Variants in VPS35L observed in about 807,000 individuals in gnomAD.
VPS35L encodes the protein VPS35 endosomal protein-sorting factor-like.
Under a neutral mutation model 133.0 loss-of-function variants are expected in VPS35L, and 83 were observed. That is an observed-to-expected ratio of 0.62 (90% CI 0.52 to 0.75). The LOEUF (loss-of-function observed/expected upper bound fraction) is 0.75. Ranked by LOEUF, VPS35L falls within the 30% of genes least tolerant of loss-of-function variation. VPS35L has a pLI of 0.00. For synonymous variants in VPS35L, 423 were observed against 449.9 expected (o/e 0.94, Z 0.76); for missense variants, 1,083 against 1,206.8 (o/e 0.90, Z 1.52).
At chr16:19,617,112 T>G (rs1260761692) in intron 14 of VPS35L, 2 of 581,744 alleles carry the variant, frequency 3.4e-6, no homozygotes, top group East Asian at 5.7e-5. Context: ...TCCCAGCACT[T>G]TGCAAGGCCA....
chr16:19,629,963 G>A (rs1408855090), intron 18 of VPS35L, 143 bp downstream of exon 18: 5 of 698,070 alleles, frequency 7.2e-6, no homozygotes, highest in South Asian at 3.7e-5. Flanking sequence ...TCATAATAAA[G>A]CGTGATGGAG....
rs202109632 is a variant in VPS35L, at chr16:19,669,183, A to C, written c.2245A>C (p.Ile749Leu). Residue 749 changes from isoleucine to leucine, a missense_variant, in exon 27 of 31, where the codon ATA becomes CTA. Transcript: ENST00000417362. ...SQADAFFKAA[I>L]SLVPEVPKMI... ...AGCTGATGCTTTTTTCAAAGCCGCT[A>C]TAAGCCTTGTTCCGGAAGTTCCAAA... The C allele has an allele frequency of 1.7e-4, 267 of 1,610,980 alleles. No individual in the cohort carries two copies. Among genetic ancestry groups the C allele is most frequent in the Non-Finnish European group, 1.9e-4 (225 of 1,177,658 alleles).
chr16:19,602,431 A>G (rs1972414183), intron 9 of VPS35L, among the ~76,000 whole-genome samples: 1 of 151,998 alleles, frequency 6.6e-6, no homozygotes, highest in Non-Finnish European at 1.5e-5. Flanking sequence ...CAGGAGGTGA[A>G]TAGAAAGTGT....
At chr16:19,557,613 C>T (rs1049374682) in intron 1 of VPS35L, among the ~76,000 whole-genome samples, 16 of 152,138 alleles carry the variant, frequency 1.1e-4, no homozygotes, top group African/African-American at 3.9e-4. Flanking sequence ...GAACTCCTGA[C>T]CTTAAGTGAT....
chr16:19,688,225 C>A (rs1207692005), intron 28 of VPS35L, among the ~76,000 whole-genome samples: 1 of 152,218 alleles, frequency 6.6e-6, no homozygotes, highest in South Asian at 2.1e-4. Flanking sequence ...CTGTGCCTGG[C>A]CATCTCGTGC....
In VPS35L at chr16:19,581,839, G is replaced by T. The variant is rs1043744113; in HGVS notation, c.639+186G>T. 28 of 716,452 alleles carry T rather than the reference G, an allele frequency of 3.9e-5. No homozygotes were observed. The African/African-American group carries it at 4.5e-4, about 12-fold the overall frequency. The allele number at this position is 716,452 out of a possible 1,614,324, so 44.4% of individuals were successfully genotyped here. A position where few individuals can be genotyped will look rare whatever the true frequency, so the allele number is the denominator to read the frequency against. ...TGTTTTTATGAGATGGCTAATCCCAGGGTTACCATGTGCAGCTGCACAGGT... is the reference window on the plus strand; with the variant it reads ...TGTTTTTATGAGATGGCTAATCCCATGGTTACCATGTGCAGCTGCACAGGT... On this transcript the variant is annotated intron_variant, in intron 7 of 30. Transcript: ENST00000417362.
At position 19,689,512 on chromosome 16, in the gene VPS35L, TCCAC is replaced by T. The variant is rs1432789846; in HGVS notation, c.2528-1835_2528-1832del. On this transcript the variant is annotated intron_variant, in intron 28 of 30. Coordinates refer to ENST00000417362, the MANE Select transcript of VPS35L (RefSeq NM_020314.7). ...GTCTCAAACTCCTGACCTCAAGTGA[TCCAC>T]CCACCTCAGCCTCTCACAATGCTCA... is the stretch of plus-strand genomic sequence containing the variant. 7.2e-5 allele frequency among the ~76,000 whole-genome samples: 11 copies of T among 152,228 alleles called. No individual in the cohort carries two copies. In the East Asian group the frequency reaches 1.4e-3, roughly 19 times the overall value.
intron 9 of VPS35L, among the ~76,000 whole-genome samples, chr16:19,605,009 C>G (rs573467864): frequency 6.6e-6 from 1 of 152,216 alleles, no homozygotes; most frequent in African/African-American, 2.4e-5. Flanking sequence ...CCATCACCAT[C>G]TTCTCAGCAT....
intron 29 of VPS35L, among the ~76,000 whole-genome samples, chr16:19,698,330 T>C (rs1188070214): frequency 1.3e-5 from 2 of 152,180 alleles, no homozygotes; most frequent in African/African-American, 4.8e-5. Flanking sequence ...CTTGAATCTC[T>C]GGCTTCCCTT....
At chr16:19,577,203 T>C (rs1481056349) in intron 5 of VPS35L, among the ~76,000 whole-genome samples, 1 of 152,204 alleles carries the variant, frequency 6.6e-6, no homozygotes, top group Non-Finnish European at 1.5e-5. Context: ...AGAAGCATGG[T>C]GCAGCATCTG....
chr16:19,681,069 C>G (rs987839227), intron 27 of VPS35L, among the ~76,000 whole-genome samples: 1 of 152,230 alleles, frequency 6.6e-6, no homozygotes, highest in Non-Finnish European at 1.5e-5. Flanking sequence ...GGCACAGACT[C>G]TAGTCAGAGA....
chr16:19,621,443 G>A, intron 14 of VPS35L, among the ~76,000 whole-genome samples: 1 of 152,178 alleles, frequency 6.6e-6, no homozygotes, highest in African/African-American at 2.4e-5. Flanking sequence ...TAAATAAGTG[G>A]CATGTAGGGC....
In VPS35L at chr16:19,626,227, A is replaced by T. The variant is rs772554125; in HGVS notation, c.1271+4A>T. On this transcript the variant is annotated splice_donor_region_variant and intron_variant, in intron 15 of 30. Transcript: ENST00000417362. The stretch of plus-strand genomic sequence containing the variant: ...GGTGTAAGAAACTAGGAAACAAGTA[A>T]GTATTTTAAGATTCATAAAGCATGA... 6.3e-7 allele frequency: 1 copy of T among 1,597,112 alleles called. No homozygotes were observed. The highest frequency in any genetic ancestry group is 1.1e-5 in the South Asian group (1 of 89,900).
intron 23 of VPS35L, among the ~76,000 whole-genome samples, chr16:19,645,328 C>T (rs1218129931): frequency 8.9e-5 from 13 of 146,708 alleles, no homozygotes; most frequent in Non-Finnish European, 1.6e-4. Context: ...CTCGCTCTGT[C>T]GCCCAGGCTG....
intron 24 of VPS35L, among the ~76,000 whole-genome samples, chr16:19,648,521 C>T: frequency 6.6e-6 from 1 of 152,064 alleles, no homozygotes. Flanking sequence ...CTCTCAGTAA[C>T]TTTTTATGGT....
At chr16:19,670,867 T>G (rs1021297420) in intron 27 of VPS35L, among the ~76,000 whole-genome samples, 5 of 152,194 alleles carry the variant, frequency 3.3e-5, no homozygotes, top group African/African-American at 1.2e-4. Flanking sequence ...AATTTACCTT[T>G]CACTCGATGA....
chr16:19,575,204 GTGATA>G, intron 5 of VPS35L, 82 bp downstream of exon 5: 1 of 1,295,694 alleles, frequency 7.7e-7, no homozygotes, highest in Admixed American at 1.8e-5. Flanking sequence ...AAAGTTTTAT[GTGATA>G]TGATTCTGAT....
chr16:19,570,889 A>ATTTTTTTTTTTTT (rs1489865417), intron 3 of VPS35L, among the ~76,000 whole-genome samples: 2 of 91,852 alleles, frequency 2.2e-5, no homozygotes, highest in African/African-American at 9.4e-5. Flanking sequence ...ATATATATAT[A>ATTTTTTTTTTTTT]TTTTTGAGAT....
At chr16:19,673,005 G>C (rs1180046434) in intron 27 of VPS35L, among the ~76,000 whole-genome samples, 1 of 152,188 alleles carries the variant, frequency 6.6e-6, no homozygotes, top group South Asian at 2.1e-4. Context: ...GTTCAGTCCT[G>C]ACCTGAAGAG....
Sources: gnomAD v4.1 joint callset for allele counts (sites outside exome capture counted in the v4.1 genomes callset) on GRCh38, gnomAD v4.1.1 for gene constraint, MANE v1.5 for transcripts, NCBI Gene and HGNC (gene_info 2026-07-23, HGNC 2026-07-21) for gene names.